The following PTPRD variants were observed in gnomAD, a reference collection of about 807,000 sequenced individuals.
The protein encoded by PTPRD is receptor-type tyrosine-protein phosphatase delta.
In PTPRD, 34 loss-of-function variants were observed where a neutral mutation model predicts 214.5. The ratio of observed to expected loss-of-function variants is 0.16; its 90% CI spans 0.12 to 0.21. The LOEUF is 0.21. PTPRD is among the 10% of genes least tolerant of loss of function. The pLI is 1.00. For missense variants in PTPRD, 2,545 were observed against 2,398.7 expected (o/e 1.06, Z -1.27); for synonymous variants, 1,128 against 845.7 (o/e 1.33, Z -5.79).
chr9:9,652,620 T>G (rs2096392940), intron 7 of PTPRD, among the ~76,000 whole-genome samples: 1 of 151,648 alleles, frequency 6.6e-6, no homozygotes, highest in South Asian at 2.1e-4. Flanking sequence ...TATACCACTT[T>G]TTTTTTTTTT....
intron 4 of PTPRD, among the ~76,000 whole-genome samples, chr9:9,954,132 C>T (rs1478204820): frequency 6.6e-6 from 1 of 151,042 alleles, no homozygotes; most frequent in Non-Finnish European, 1.5e-5. Flanking sequence ...CCTGTCTCTA[C>T]AAAAAATACA....
At chr9:9,944,473 G>A (rs1351234359) in intron 4 of PTPRD, among the ~76,000 whole-genome samples, 2 of 151,992 alleles carry the variant, frequency 1.3e-5, no homozygotes, top group Middle Eastern at 3.4e-3. Context: ...ATAGTAGAGA[G>A]TACAAAAATT....
intron 9 of PTPRD, among the ~76,000 whole-genome samples, chr9:9,342,313 C>A (rs1226936568): frequency 6.6e-6 from 1 of 151,930 alleles, no homozygotes; most frequent in Non-Finnish European, 1.5e-5. Flanking sequence ...TTTTATGCCA[C>A]TTTACTTGAA....
chr9:8,871,793 A>ATAC (rs1315015149), intron 11 of PTPRD, among the ~76,000 whole-genome samples: 1 of 149,318 alleles, frequency 6.7e-6, no homozygotes, highest in African/African-American at 2.4e-5. Flanking sequence ...AATAATAATA[A>ATAC]TAGCTTAACT....
intron 12 of PTPRD, among the ~76,000 whole-genome samples, chr9:8,674,873 T>C (rs1596610331): frequency 6.6e-6 from 1 of 152,308 alleles, no homozygotes; most frequent in East Asian, 1.9e-4. Flanking sequence ...GTTTTTTTGC[T>C]TCCTTCACTA....
At chr9:10,049,319 G>T (rs544952925) in intron 3 of PTPRD, among the ~76,000 whole-genome samples, 1 of 150,600 alleles carries the variant, frequency 6.6e-6, no homozygotes, top group South Asian at 2.1e-4. Context: ...AACTGGCCCT[G>T]CATCTTCAAT....
chr9:9,583,412 C>T (rs2091268446), intron 7 of PTPRD, among the ~76,000 whole-genome samples: 1 of 151,980 alleles, frequency 6.6e-6, no homozygotes, highest in African/African-American at 2.4e-5. Flanking sequence ...AGATTGACAA[C>T]AATAACCTCA....
intron 2 of PTPRD, among the ~76,000 whole-genome samples, chr9:10,382,414 C>A (rs1462492939): frequency 6.6e-6 from 1 of 151,814 alleles, no homozygotes; most frequent in Non-Finnish European, 1.5e-5. Context: ...CCTGGAACTT[C>A]TGGATTCTAG....
At position 9,023,835 on chromosome 9, in the gene PTPRD, G is replaced by A. The variant is rs187367718; in HGVS notation, c.-142-5100C>T. On this transcript the variant is annotated intron_variant, in intron 10 of 45. Transcript: ENST00000381196. ...CCATCCATGTTGCTGCAAAGGACAT[G>A]ATTATTTTACTTGCTTTTTTAATCT... Among the ~76,000 whole-genome samples the A allele has an allele frequency of 1.1e-3, 172 of 152,056 alleles. No homozygotes were observed. The Middle Eastern group carries it at 0.024, about 21-fold the overall frequency.
intron 6 of PTPRD, among the ~76,000 whole-genome samples, chr9:9,755,863 T>C (rs1034355019): frequency 3.3e-5 from 5 of 152,060 alleles, no homozygotes; most frequent in Non-Finnish European, 5.9e-5. Context: ...ATTTTACATA[T>C]ATAAACATAA....
intron 3 of PTPRD, among the ~76,000 whole-genome samples, chr9:10,085,264 T>TA (rs1590730212): frequency 6.6e-6 from 1 of 151,916 alleles, no homozygotes; most frequent in Admixed American, 6.6e-5. Context: ...GAGAATTTTT[T>TA]AAAAAACTAC....
chr9:10,238,289 T>C (rs906337300), intron 3 of PTPRD, among the ~76,000 whole-genome samples: 1 of 151,852 alleles, frequency 6.6e-6, no homozygotes, highest in African/African-American at 2.4e-5. Context: ...ACCAATCTAA[T>C]AGCTACTGAG....
At chr9:9,125,571 C>A (rs948100174) in intron 10 of PTPRD, among the ~76,000 whole-genome samples, 1 of 152,128 alleles carries the variant, frequency 6.6e-6, no homozygotes, top group Admixed American at 6.5e-5. Flanking sequence ...ATTAGTTTCA[C>A]AACAGGTAGC....
At chr9:8,585,159 C>A (rs1038525723) in intron 14 of PTPRD, among the ~76,000 whole-genome samples, 2 of 151,978 alleles carry the variant, frequency 1.3e-5, no homozygotes, top group East Asian at 1.9e-4. Context: ...AAATTTTCAA[C>A]GTAGATCTTC....
intron 3 of PTPRD, among the ~76,000 whole-genome samples, chr9:10,183,859 C>T (rs1238926049): frequency 6.6e-6 from 1 of 152,128 alleles, no homozygotes; most frequent in African/African-American, 2.4e-5. Flanking sequence ...AAAGTAAAGA[C>T]AGAACCACAA....
At chr9:10,190,535 T>C (rs964165284) in intron 3 of PTPRD, among the ~76,000 whole-genome samples, 1 of 149,076 alleles carries the variant, frequency 6.7e-6, no homozygotes, top group South Asian at 2.1e-4. Flanking sequence ...CTGGCCAACA[T>C]GGCGAAACCC....
chr9:8,758,904 C>T (rs1321646122), intron 11 of PTPRD, among the ~76,000 whole-genome samples: 1 of 152,012 alleles, frequency 6.6e-6, no homozygotes, highest in East Asian at 1.9e-4. Context: ...CCAGGATGGT[C>T]TCGATCTCCT....
chr9:9,104,618 G>A (rs947547323), intron 10 of PTPRD, among the ~76,000 whole-genome samples: 5 of 152,200 alleles, frequency 3.3e-5, no homozygotes, highest in Admixed American at 6.5e-5. Context: ...ATGTTGGACA[G>A]TATCTAACCT....
chr9:9,728,052 A>T (rs569295877), intron 7 of PTPRD, among the ~76,000 whole-genome samples: 2 of 152,228 alleles, frequency 1.3e-5, no homozygotes, highest in South Asian at 4.2e-4. Context: ...GGTAGTGAAT[A>T]AGTCTCATGC....
Sources: allele counts gnomAD v4.1 joint callset (sites outside exome capture counted in the v4.1 genomes callset), GRCh38; gene constraint gnomAD v4.1.1; transcripts MANE v1.5; gene names NCBI Gene and HGNC (gene_info 2026-07-23, HGNC 2026-07-21).